ABHD2: variants seen among roughly 807,000 people sequenced by gnomAD.
The protein encoded by ABHD2 is monoacylglycerol lipase ABHD2.
ABHD2 carries 20 observed loss-of-function variants against 48.1 expected under a neutral mutation model. The ratio of observed to expected loss-of-function variants is 0.42; its 90% CI spans 0.29 to 0.60. The LOEUF is 0.60. ABHD2 is among the 20% of genes least tolerant of loss of function. The pLI is 0.24. For missense variants in ABHD2, 405 were observed against 550.9 expected, an observed-to-expected ratio of 0.74 and a Z score of 2.65; for synonymous variants, 209 against 214.2, an observed-to-expected ratio of 0.98 and a Z score of 0.21.
Position 89,185,359 on chromosome 15 carries a change from C to A in ABHD2, c.723-65C>A, listed in dbSNP as rs1417837824. 2 of 1,325,324 alleles carry A rather than the reference C, an allele frequency of 1.5e-6. No individual in the cohort carries two copies. The highest frequency in any genetic ancestry group is 2.2e-6 in the Non-Finnish European group (2 of 923,034). 82.1% of individuals were successfully genotyped at this position (1,325,324 alleles called of 1,614,324 possible). ...AAGCACCTCACCCCATGGCTAGAGC[C>A]CCCTCCTGGCTGCCCGCCTGCACCC... is the stretch of plus-strand genomic sequence containing the variant. On this transcript the variant is annotated intron_variant, in intron 6 of 10. Transcript: ENST00000352732. The surrounding 1 kb of genome is among the most constrained non-coding windows in gnomAD (Gnocchi z 5.9).
At chr15:89,049,404 T>C in the ABHD2 span, among the ~76,000 whole-genome samples, 1 of 152,256 alleles carries the variant, frequency 6.6e-6, no homozygotes, top group East Asian at 1.9e-4. Flanking sequence ...CCTTGAGCTG[T>C]GGTGGGCTCC....
chr15:89,191,780 C>T, intron 9 of ABHD2, among the ~76,000 whole-genome samples: 1 of 152,024 alleles, frequency 6.6e-6, no homozygotes, highest in East Asian at 1.9e-4. Context: ...AGGCATGTGC[C>T]ACCACGCCTG....
At chr15:89,187,655 A>G (rs920261688) in intron 7 of ABHD2, among the ~76,000 whole-genome samples, 2 of 152,156 alleles carry the variant, frequency 1.3e-5, no homozygotes, top group Non-Finnish European at 2.9e-5. Context: ...GAAAAAAAAA[A>G]TGATTGCTCT....
chr15:89,069,735 A>G, the ABHD2 span, among the ~76,000 whole-genome samples: 2 of 116,422 alleles, frequency 1.7e-5, no homozygotes, highest in Non-Finnish European at 3.2e-5. Context: ...GCTGGAGTGC[A>G]GTGGCATGAT....
At chr15:89,123,602 T>C (rs1179410743) in intron 3 of ABHD2, among the ~76,000 whole-genome samples, 1 of 141,332 alleles carries the variant, frequency 7.1e-6, no homozygotes, top group Non-Finnish European at 1.5e-5. Context: ...TCTTTTTTTT[T>C]TTTTTTTTTT....
At chr15:89,068,351 C>T in the ABHD2 span, among the ~76,000 whole-genome samples, 2 of 152,284 alleles carry the variant, frequency 1.3e-5, no homozygotes, top group South Asian at 2.1e-4. Context: ...GGAAATTAGA[C>T]AGCAACTAGC....
At chr15:89,042,632 T>TTATA in the ABHD2 span, among the ~76,000 whole-genome samples, 1 of 142,962 alleles carries the variant, frequency 7.0e-6, no homozygotes, top group Non-Finnish European at 1.5e-5. Flanking sequence ...ATTTATTTAT[T>TTATA]TTGGAGACTT....
At chr15:89,127,720 C>CATATAT (rs1567080056) in intron 3 of ABHD2, among the ~76,000 whole-genome samples, 16 of 69,782 alleles carry the variant, frequency 2.3e-4, no homozygotes, top group Admixed American at 3.8e-4. Context: ...TATATATATA[C>CATATAT]ACATATATAT....
At chr15:89,119,752 CTCTT>C (rs1383539444) in intron 3 of ABHD2, among the ~76,000 whole-genome samples, 3 of 152,290 alleles carry the variant, frequency 2.0e-5, no homozygotes, top group African/African-American at 7.2e-5. Context: ...CCATCTGACC[CTCTT>C]TCTGTTTCTG....
At chr15:89,133,262 T>C (rs1380010946) in intron 3 of ABHD2, among the ~76,000 whole-genome samples, 1 of 131,790 alleles carries the variant, frequency 7.6e-6, no homozygotes, top group African/African-American at 2.5e-5. Context: ...CTGCTTCGTA[T>C]TCCATAAAAA....
At chr15:89,149,808 G>A (rs936128411) in intron 3 of ABHD2, among the ~76,000 whole-genome samples, 3 of 152,216 alleles carry the variant, frequency 2.0e-5, no homozygotes, top group East Asian at 3.8e-4. Context: ...GAAGTTAAGC[G>A]AGTACCAGGG....
chr15:89,169,925 T>C (rs1467351352), intron 5 of ABHD2, among the ~76,000 whole-genome samples: 1 of 152,062 alleles, frequency 6.6e-6, no homozygotes, highest in East Asian at 1.9e-4. Flanking sequence ...GAAATCAATA[T>C]CTGCTGCAAT....
At chr15:89,071,940 C>G in the ABHD2 span, among the ~76,000 whole-genome samples, 6 of 152,234 alleles carry the variant, frequency 3.9e-5, no homozygotes, top group Admixed American at 1.3e-4. Context: ...GGTGACCAAC[C>G]TCAGTTACCT....
At chr15:89,132,567 G>A (rs1332250955) in intron 3 of ABHD2, among the ~76,000 whole-genome samples, 1 of 152,224 alleles carries the variant, frequency 6.6e-6, no homozygotes, top group Non-Finnish European at 1.5e-5. Context: ...TGCAAGGCTT[G>A]TGAGGATATG....
the ABHD2 span, among the ~76,000 whole-genome samples, chr15:89,057,220 A>G: frequency 6.6e-6 from 1 of 152,206 alleles, no homozygotes; most frequent in Non-Finnish European, 1.5e-5. Context: ...GGCCAGCGTG[A>G]TACCATTTTT....
chr15:89,172,329 A>G (rs149171706), intron 5 of ABHD2, among the ~76,000 whole-genome samples: 47 of 152,270 alleles, frequency 3.1e-4, no homozygotes, highest in African/African-American at 1.1e-3. Context: ...TCCATCTGTA[A>G]ATTTTACTAG....
At chr15:89,086,209 T>C (rs1224856417), upstream of ABHD2, among the ~76,000 whole-genome samples, 2 of 151,866 alleles carry the variant, frequency 1.3e-5, no homozygotes, top group Non-Finnish European at 2.9e-5. Context: ...GTATTTTTAG[T>C]AGAGATGGGG....
intron 3 of ABHD2, among the ~76,000 whole-genome samples, chr15:89,129,758 A>G (rs527967453): frequency 2.6e-5 from 4 of 152,202 alleles, no homozygotes; most frequent in East Asian, 1.9e-4. Context: ...AGATGGGTAT[A>G]ATAGCACTTA....
chr15:89,071,639 C>A, the ABHD2 span, among the ~76,000 whole-genome samples: 4 of 152,164 alleles, frequency 2.6e-5, no homozygotes, highest in Non-Finnish European at 4.4e-5. Flanking sequence ...CCACATTCCA[C>A]CAGACAGGAA....
Sources: allele counts gnomAD v4.1 joint callset (sites outside exome capture counted in the v4.1 genomes callset), GRCh38; gene constraint gnomAD v4.1.1; non-coding constraint Gnocchi (gnomAD v3.1); transcripts MANE v1.5; gene names NCBI Gene and HGNC (gene_info 2026-07-23, HGNC 2026-07-21).